The following RBFOX1 variants were observed in gnomAD, a reference collection of about 807,000 sequenced individuals.
The protein encoded by RBFOX1 is RNA binding protein fox-1 homolog 1.
A neutral mutation model predicts 57.7 loss-of-function variants in RBFOX1; 8 were observed. That is an observed-to-expected ratio of 0.14 (90% CI 0.08 to 0.25). RBFOX1 has a LOEUF of 0.25. Among genes scored for constraint, RBFOX1 ranks in the 10% least tolerant of loss-of-function variants. RBFOX1 has a pLI of 1.00. For synonymous variants in RBFOX1, 326 were observed against 222.4 expected, an observed-to-expected ratio of 1.47 and a Z score of -4.15; for missense variants, 611 against 548.5, an observed-to-expected ratio of 1.11 and a Z score of -1.14.
chr16:6,906,814 C>T (rs1225276575), intron 3 of RBFOX1, among the ~76,000 whole-genome samples: 2 of 151,784 alleles, frequency 1.3e-5, no homozygotes, highest in Non-Finnish European at 2.9e-5. Context: ...CCTCTACCTC[C>T]TGGGTTCAAG....
intron 1 of RBFOX1, among the ~76,000 whole-genome samples, chr16:6,128,048 T>C (rs2096602808): frequency 1.3e-5 from 2 of 152,190 alleles, no homozygotes. Context: ...TAGGCACATG[T>C]GACTTCTCAG....
At chr16:6,809,556 T>C (rs1000646324) in intron 3 of RBFOX1, among the ~76,000 whole-genome samples, 1 of 152,132 alleles carries the variant, frequency 6.6e-6, no homozygotes, top group Non-Finnish European at 1.5e-5. Context: ...TGAGACTATA[T>C]CCTATTGTAT....
rs150157905 is a variant in RBFOX1, at chr16:6,865,241, G to C, written c.-15-186816G>C. Among the ~76,000 whole-genome samples the C allele has an allele frequency of 2.2e-3, 327 of 151,976 alleles. 2 individuals are homozygous for C. The highest frequency in any genetic ancestry group is 3.3e-3 in the Non-Finnish European group (223 of 67,988). ...TGGTCTCGAACTCCTGACCTCAGGT[G>C]ATCCACCCGCCTTGGCCTCCCACAG... On this transcript the variant is annotated intron_variant, in intron 3 of 15. Transcript: ENST00000550418.
At chr16:6,756,969 C>G (rs756396104) in intron 3 of RBFOX1, among the ~76,000 whole-genome samples, 48 of 138,786 alleles carry the variant, frequency 3.5e-4, no homozygotes, top group Non-Finnish European at 6.8e-4. Flanking sequence ...GGGCGAAACT[C>G]CATCTCAAAC....
At chr16:5,722,033 C>A (rs565893257) in intron 3 of RBFOX1, among the ~76,000 whole-genome samples, 1 of 152,294 alleles carries the variant, frequency 6.6e-6, no homozygotes, top group East Asian at 1.9e-4. Context: ...TAAGGAGAAT[C>A]CTCATGTGGT....
chr16:7,590,667 C>G (rs932272879), intron 7 of RBFOX1, among the ~76,000 whole-genome samples: 8 of 152,006 alleles, frequency 5.3e-5, no homozygotes, highest in Admixed American at 3.9e-4. Flanking sequence ...CGAGACCAGC[C>G]TGACCAACAT....
chr16:6,538,113 C>T (rs2096760494), intron 2 of RBFOX1, among the ~76,000 whole-genome samples: 1 of 151,810 alleles, frequency 6.6e-6, no homozygotes, highest in Non-Finnish European at 1.5e-5. Flanking sequence ...CTGTACAATT[C>T]AAGGACATTA....
rs182937571 is a variant in RBFOX1, at chr16:7,176,766, C to T, written c.27+124668C>T. 1.3e-3 allele frequency among the ~76,000 whole-genome samples: 205 copies of T among 152,006 alleles called. 2 individuals are homozygous for T. The highest frequency in any genetic ancestry group is 3.7e-3 in the Admixed American group (57 of 15,268). On this transcript the variant is annotated intron_variant, in intron 4 of 15. Coordinates refer to ENST00000550418, the MANE Select transcript of RBFOX1 (RefSeq NM_018723.4). ...TATTATAGTCAAGGTAAGACAGACACGACACATATAAATAAATATGTACTT... is the reference window on the plus strand; with the variant it reads ...TATTATAGTCAAGGTAAGACAGACATGACACATATAAATAAATATGTACTT...
intron 3 of RBFOX1, among the ~76,000 whole-genome samples, chr16:6,947,179 C>G (rs1427753977): frequency 7.2e-5 from 11 of 152,122 alleles, no homozygotes; most frequent in Non-Finnish European, 1.5e-4. Flanking sequence ...GCTGTGATTT[C>G]AACTCTTTAT....
chr16:5,346,713 G>C (rs565529264), intron 1 of RBFOX1, among the ~76,000 whole-genome samples: 1 of 152,270 alleles, frequency 6.6e-6, no homozygotes, highest in East Asian at 1.9e-4. Context: ...TCTAAGGCAT[G>C]ACCCTCGCTT....
chr16:7,005,112 C>A (rs554329387), intron 3 of RBFOX1, among the ~76,000 whole-genome samples: 6 of 152,146 alleles, frequency 3.9e-5, no homozygotes, highest in African/African-American at 1.4e-4. Context: ...TCATTGCACT[C>A]CAGCCTGGGT....
intron 4 of RBFOX1, among the ~76,000 whole-genome samples, chr16:7,217,966 GTGTC>G (rs1368444101): frequency 6.6e-6 from 1 of 151,838 alleles, no homozygotes; most frequent in South Asian, 2.1e-4. Flanking sequence ...ATGTGTACCT[GTGTC>G]TGCGTGTGTG....
chr16:5,993,015 A>G (rs930687364), intron 4 of RBFOX1, among the ~76,000 whole-genome samples: 2 of 152,200 alleles, frequency 1.3e-5, no homozygotes, highest in African/African-American at 4.8e-5. Context: ...TGGCAGCTCC[A>G]GGCTGGGGGA....
At chr16:6,263,213 G>C (rs1399725920) in intron 1 of RBFOX1, among the ~76,000 whole-genome samples, 2 of 152,150 alleles carry the variant, frequency 1.3e-5, no homozygotes, top group Non-Finnish European at 2.9e-5. Context: ...CATACTTTCT[G>C]CTTCCCCAGG....
chr16:6,985,601 G>A (rs904424052), intron 3 of RBFOX1, among the ~76,000 whole-genome samples: 14 of 152,204 alleles, frequency 9.2e-5, no homozygotes, highest in Admixed American at 2.0e-4. Context: ...GCCAAGGTGG[G>A]TGGATCATTT....
chr16:6,406,253 T>C (rs1306320927), intron 2 of RBFOX1, among the ~76,000 whole-genome samples: 1 of 152,206 alleles, frequency 6.6e-6, no homozygotes, highest in Non-Finnish European at 1.5e-5. Flanking sequence ...TACCCATTAA[T>C]TCTAATGCAG....
At chr16:6,102,348 ATT>A (rs2096322644) in intron 1 of RBFOX1, among the ~76,000 whole-genome samples, 1 of 152,042 alleles carries the variant, frequency 6.6e-6, no homozygotes, top group Non-Finnish European at 1.5e-5. Flanking sequence ...TTTCTAAGAA[ATT>A]ATCTTTAACA....
intron 5 of RBFOX1, among the ~76,000 whole-genome samples, chr16:7,576,982 A>C (rs948429728): frequency 6.6e-6 from 1 of 152,140 alleles, no homozygotes; most frequent in African/African-American, 2.4e-5. Flanking sequence ...ATTCGAGCTC[A>C]TTTCTGTGTC....
chr16:7,425,738 C>T (rs559614846), intron 4 of RBFOX1, among the ~76,000 whole-genome samples: 3 of 152,196 alleles, frequency 2.0e-5, no homozygotes, highest in Non-Finnish European at 2.9e-5. Flanking sequence ...AGAGACCCCT[C>T]CTCCCTCTTT....
Sources: allele counts gnomAD v4.1 joint callset (sites outside exome capture counted in the v4.1 genomes callset), GRCh38; gene constraint gnomAD v4.1.1; transcripts MANE v1.5; gene names NCBI Gene and HGNC (gene_info 2026-07-23, HGNC 2026-07-21).